Variants in CRYBG3 observed in about 807,000 individuals in gnomAD.
CRYBG3 encodes very large A-kinase anchor protein.
In CRYBG3, 127 loss-of-function variants were observed where a neutral mutation model predicts 244.2. The observed-to-expected ratio is 0.52, with a 90% CI of 0.45 to 0.60. CRYBG3 has a LOEUF of 0.60. Among genes scored for constraint, CRYBG3 ranks in the 20% least tolerant of loss-of-function variants. The probability of loss-of-function intolerance (pLI) is 0.00; values close to 1 mark genes in which losing one functional copy is unlikely to be tolerated. For missense variants in CRYBG3, 3,325 were observed against 3,442.5 expected (o/e 0.97, Z 0.85); for synonymous variants, 1,132 against 1,195.8 (o/e 0.95, Z 1.10).
At chr3:97,907,532 G>A (rs1334315613) in intron 15 of CRYBG3, among the ~76,000 whole-genome samples, 43 of 149,212 alleles carry the variant, frequency 2.9e-4, no homozygotes, top group Admixed American at 5.3e-4. Flanking sequence ...GTTTATTTGC[G>A]TAGAGGTGTT....
chr3:97,852,588 A>T (rs1351854019), intron 2 of CRYBG3, among the ~76,000 whole-genome samples: 2 of 152,186 alleles, frequency 1.3e-5, no homozygotes, highest in Non-Finnish European at 2.9e-5. Flanking sequence ...TACTTTTGAC[A>T]CTTAGATTAA....
chr3:97,930,345 G>A (rs2040084241), intron 17 of CRYBG3, among the ~76,000 whole-genome samples: 1 of 152,014 alleles, frequency 6.6e-6, no homozygotes, highest in African/African-American at 2.4e-5. Flanking sequence ...GAGTGAAGAT[G>A]TTGAAAAAAA....
intron 7 of CRYBG3, 108 bp from the exon 8 acceptor site, chr3:97,886,523 A>T (rs1201483883): frequency 3.4e-5 from 26 of 771,702 alleles, no homozygotes; most frequent in Non-Finnish European, 3.0e-5. Context: ...CTTTGTGAAG[A>T]AATTCAACTC....
At chr3:97,904,597 TAAAC>T (rs2039743547) in intron 15 of CRYBG3, among the ~76,000 whole-genome samples, 1 of 152,158 alleles carries the variant, frequency 6.6e-6, no homozygotes, top group South Asian at 2.1e-4. Flanking sequence ...ATACAACTAA[TAAAC>T]AAACTGGGAA....
At chr3:97,902,575 CT>C (rs1401823757) in intron 15 of CRYBG3, among the ~76,000 whole-genome samples, 2 of 151,770 alleles carry the variant, frequency 1.3e-5, no homozygotes. Flanking sequence ...TTTGCTGGAC[CT>C]ATTGACCAGT....
rs2107117907 is a variant in CRYBG3 at position 97,943,352 on chromosome 3, A to G, written c.*38A>G. ...CCCTAGAAAGATCCCTAGAAAGAGCAAAGAAGGAAACACATCTGTCATTGT... is the reference window on the plus strand; with the variant it reads ...CCCTAGAAAGATCCCTAGAAAGAGCGAAGAAGGAAACACATCTGTCATTGT... On this transcript the variant is annotated 3_prime_UTR_variant, in exon 22 of 22. Transcript: ENST00000389622. 8.5e-7 allele frequency: 1 copy of G among 1,179,664 alleles called. No homozygotes were observed. The highest frequency in any genetic ancestry group is 1.3e-6 in the Non-Finnish European group (1 of 792,526). The allele number at this position is 1,179,664 out of a possible 1,614,324, so 73.1% of individuals were successfully genotyped here.
chr3:97,880,968 T>C (rs2039439373), intron 6 of CRYBG3, 104 bp from the exon 7 acceptor site: 1 of 795,420 alleles, frequency 1.3e-6, no homozygotes. Flanking sequence ...TAGTGGAAGA[T>C]ATCCCAGCTT....
chr3:97,938,819 T>C (rs141526385), intron 19 of CRYBG3, among the ~76,000 whole-genome samples: 1,806 of 152,100 alleles, frequency 0.012, 35 homozygotes, highest in African/African-American at 0.042. Context: ...TTATTCACAA[T>C]GTCCCTTGAG....
At chr3:97,921,444 C>T (rs2039983865) in intron 17 of CRYBG3, among the ~76,000 whole-genome samples, 1 of 144,560 alleles carries the variant, frequency 6.9e-6, no homozygotes, top group South Asian at 2.3e-4. Flanking sequence ...AATAAGCTGA[C>T]TAAATAAACT....
At chr3:97,931,074 C>T (rs2040092265) in intron 17 of CRYBG3, among the ~76,000 whole-genome samples, 1 of 152,026 alleles carries the variant, frequency 6.6e-6, no homozygotes, top group Admixed American at 6.6e-5. Flanking sequence ...AAAGCATGCT[C>T]ATAGGCCACT....
At position 97,876,986 on chromosome 3, in the gene CRYBG3, G is replaced by T. The variant is rs1444552624; in HGVS notation, c.5792G>T (p.Gly1931Val). The T allele has an allele frequency of 5.3e-6, 8 of 1,518,826 alleles. No individual in the cohort carries two copies. In the East Asian group the frequency reaches 1.4e-4, roughly 26 times the overall value. 94.1% of individuals were successfully genotyped at this position (1,518,826 alleles called of 1,614,324 possible). A position where few individuals can be genotyped will look rare whatever the true frequency, so the allele number is the denominator to read the frequency against. Reference sequence around the variant, plus strand: ...AATAGACTTCCTACATATTTCAGGGGATATGAATCCCCTACATTAAGTAAG... The same window carrying T: ...AATAGACTTCCTACATATTTCAGGGTATATGAATCCCCTACATTAAGTAAG... ...HENRLPTYFR[G>V]YESPTLSKDY... The change falls in exon 4 of 22, where the codon GGA (glycine) becomes GTA (valine). Residue 1931 changes from glycine to valine, a missense_variant. Coordinates refer to ENST00000389622, the MANE Select transcript of CRYBG3 (RefSeq NM_153605.4).
chr3:97,913,226 G>A (rs956030280), intron 16 of CRYBG3, among the ~76,000 whole-genome samples: 1 of 152,054 alleles, frequency 6.6e-6, no homozygotes, highest in African/African-American at 2.4e-5. Context: ...GTACCAGTCC[G>A]ATCAAGTTCA....
chr3:97,841,775 A>G (rs900559957), intron 1 of CRYBG3, among the ~76,000 whole-genome samples: 3 of 152,054 alleles, frequency 2.0e-5, no homozygotes, highest in East Asian at 1.9e-4. Context: ...ACAAAGGTCA[A>G]ATTTCATAAC....
chr3:97,844,943 G>T (rs544339903), intron 2 of CRYBG3, among the ~76,000 whole-genome samples: 208 of 152,264 alleles, frequency 1.4e-3, no homozygotes, highest in Admixed American at 4.8e-3. Flanking sequence ...TACAGAAACT[G>T]CAGTTATCCC....
Position 97,942,373 on chromosome 3 carries a change from G to T in CRYBG3, c.8754G>T (p.Gln2918His). 1 of 1,611,892 alleles carries T rather than the reference G, an allele frequency of 6.2e-7. No homozygotes were observed. Among genetic ancestry groups the T allele is most frequent in the Non-Finnish European group, 8.5e-7 (1 of 1,178,542 alleles). The stretch of plus-strand genomic sequence containing the variant: ...GGACTGAACATGGGCAATTCAGGCA[G>T]AAGTGGAGACTGAATAAAAATGGAA... ...ALWTEHGQFR[Q>H]KWRLNKNGTI... The change falls in exon 21 of 22, where the codon CAG (glutamine) becomes CAT (histidine). Residue 2918 changes from glutamine to histidine, a missense_variant. By Grantham distance (24) the Gln-to-His change is conservative. Coordinates refer to ENST00000389622, the MANE Select transcript of CRYBG3 (RefSeq NM_153605.4).
At position 97,872,799 on chromosome 3, in the gene CRYBG3, A is replaced by T. The variant is rs751231344; in HGVS notation, c.1605A>T (p.Ser535=). The T allele has an allele frequency of 3.3e-6, 5 of 1,536,036 alleles. No homozygotes were observed. In the South Asian group the frequency reaches 5.9e-5, roughly 18 times the overall value. ...TCAGGCGAGAAACAGAAAGTGCCTC[A>T]GCTGGTGAATCCATAGCTTCAAGTC... The part of the protein sequence containing the change: ...REIRRETESA[S]AGESIASSHV... The change falls in exon 4 of 22, where the codon TCA becomes TCT. Residue 535 remains serine, a synonymous_variant. Coordinates refer to ENST00000389622, the MANE Select transcript of CRYBG3 (RefSeq NM_153605.4).
chr3:97,876,600 A>G lies in CRYBG3; in HGVS notation c.5406A>G (p.Val1802=). The part of the protein sequence containing the change: ...AEEVIKNTEI[V]PCVLKVKEAH... ...AGGTCATTAAGAATACTGAAATAGT[A>G]CCGTGTGTGTTAAAAGTGAAGGAAG... The change falls in exon 4 of 22, where the codon GTA becomes GTG. Residue 1802 remains valine, a synonymous_variant. Coordinates refer to ENST00000389622, the MANE Select transcript of CRYBG3 (RefSeq NM_153605.4). The G allele has an allele frequency of 3.2e-6, 4 of 1,233,786 alleles. No individual in the cohort carries two copies. The highest frequency in any genetic ancestry group is 4.2e-5 in the Admixed American group (1 of 23,968). 76.4% of individuals were successfully genotyped at this position (1,233,786 alleles called of 1,614,324 possible). A position where few individuals can be genotyped will look rare whatever the true frequency, so the allele number is the denominator to read the frequency against.
intron 3 of CRYBG3, chr3:97,867,288 T>C (rs1276779992): frequency 6.6e-6 from 1 of 152,210 alleles, no homozygotes; most frequent in East Asian, 1.9e-4. Context: ...TTTCACAAAA[T>C]GTATCTTCCT....
intron 15 of CRYBG3, among the ~76,000 whole-genome samples, chr3:97,908,319 G>A (rs2039803357): frequency 1.3e-5 from 2 of 152,098 alleles, no homozygotes; most frequent in Admixed American, 6.6e-5. Flanking sequence ...TTTCAGTCTC[G>A]TTGATCTGTC....
Sources: allele counts gnomAD v4.1 joint callset (sites outside exome capture counted in the v4.1 genomes callset), GRCh38; gene constraint gnomAD v4.1.1; transcripts MANE v1.5; gene names NCBI Gene and HGNC (gene_info 2026-07-23, HGNC 2026-07-21).